TTLL11: variants seen among roughly 807,000 people sequenced by gnomAD.
TTLL11 encodes the protein tubulin polyglutamylase TTLL11.
TTLL11 carries 42 observed loss-of-function variants against 51.7 expected under a neutral mutation model. The observed-to-expected ratio is 0.81, with a 90% confidence interval of 0.64 to 1.05. The LOEUF (loss-of-function observed/expected upper bound fraction) is 1.05. Among genes scored for constraint, TTLL11 ranks in the 50% least tolerant of loss-of-function variants. The pLI is 0.00. For missense variants in TTLL11, 799 were observed against 940.4 expected (o/e 0.85, Z 1.97); for synonymous variants, 381 against 383.5 (o/e 0.99, Z 0.08).
Position 122,091,414 on chromosome 9 carries a change from C to T in TTLL11, c.462+1273G>A, listed in dbSNP as rs1269676808. 2.0e-5 allele frequency among the ~76,000 whole-genome samples: 3 copies of T among 152,194 alleles called. No individual in the cohort carries two copies. In the East Asian group the frequency reaches 5.8e-4, roughly 29 times the overall value. On this transcript the variant is annotated intron_variant, in intron 1 of 8. Coordinates refer to ENST00000321582, the MANE Select transcript of TTLL11 (RefSeq NM_001139442.2). ...CCAAGTTTCCCCAGCATGAAAGTTCCCCTCTGAATCCCAAGCCCCAAGGCT... is the reference window on the plus strand; with the variant it reads ...CCAAGTTTCCCCAGCATGAAAGTTCTCCTCTGAATCCCAAGCCCCAAGGCT...
At chr9:121,842,656 C>A (rs1485302422) in intron 8 of TTLL11, among the ~76,000 whole-genome samples, 1 of 152,160 alleles carries the variant, frequency 6.6e-6, no homozygotes, top group Admixed American at 6.5e-5. Flanking sequence ...AAGGTGGCTC[C>A]TATGGGCCAG....
chr9:121,916,172 T>C (rs1392454899), intron 6 of TTLL11, among the ~76,000 whole-genome samples: 1 of 152,204 alleles, frequency 6.6e-6, no homozygotes, highest in Non-Finnish European at 1.5e-5. Flanking sequence ...AACAATGATG[T>C]CCGGATCTGT....
chr9:121,901,702 G>A (rs1377811280), intron 6 of TTLL11, among the ~76,000 whole-genome samples: 2 of 151,884 alleles, frequency 1.3e-5, no homozygotes, highest in Non-Finnish European at 1.5e-5. Flanking sequence ...AGTGGTCCTG[G>A]TTTTATGTGG....
At chr9:121,986,065 C>T (rs1842932941) in intron 4 of TTLL11, among the ~76,000 whole-genome samples, 1 of 152,156 alleles carries the variant, frequency 6.6e-6, no homozygotes, top group African/African-American at 2.4e-5. Context: ...CCTGGCGTCT[C>T]CCCCCATGCT....
At chr9:121,907,075 C>T (rs1482856380) in intron 6 of TTLL11, among the ~76,000 whole-genome samples, 1 of 152,118 alleles carries the variant, frequency 6.6e-6, no homozygotes, top group Non-Finnish European at 1.5e-5. Flanking sequence ...GCCTCCTGAC[C>T]CCTTTTTCCA....
intron 6 of TTLL11, among the ~76,000 whole-genome samples, chr9:121,871,764 C>T (rs1017757130): frequency 2.6e-5 from 4 of 152,264 alleles, no homozygotes; most frequent in Non-Finnish European, 4.4e-5. Flanking sequence ...CTGCCAGGCA[C>T]ACAGTTCCAG....
chr9:121,981,667 T>C (rs536977802), intron 4 of TTLL11, among the ~76,000 whole-genome samples: 2 of 152,246 alleles, frequency 1.3e-5, no homozygotes, highest in African/African-American at 2.4e-5. Flanking sequence ...GTCTTTCTTT[T>C]AAAGTGCTGG....
chr9:121,901,300 C>T (rs1453160197), intron 6 of TTLL11, among the ~76,000 whole-genome samples: 1 of 152,042 alleles, frequency 6.6e-6, no homozygotes, highest in Non-Finnish European at 1.5e-5. Context: ...AATAGTTTGA[C>T]TTCTTCTTTG....
intron 6 of TTLL11, among the ~76,000 whole-genome samples, chr9:121,908,983 G>T (rs774767628): frequency 6.6e-6 from 1 of 152,198 alleles, no homozygotes; most frequent in African/African-American, 2.4e-5. Flanking sequence ...ACCCATAACA[G>T]TTAGTAAACT....
chr9:122,055,203 GGATA>G lies in TTLL11; in HGVS notation c.463-15839_463-15836del, dbSNP rs1222958113. Among the ~76,000 whole-genome samples, 714 of 144,764 alleles carry G rather than the reference GGATA, an allele frequency of 4.9e-3. 7 individuals carry two copies. The highest frequency in any genetic ancestry group is 6.4e-3 in the African/African-American group (247 of 38,574). 95.0% of individuals were successfully genotyped at this position (144,764 alleles called of 152,430 possible). A position where few individuals can be genotyped will look rare whatever the true frequency, so the allele number is the denominator to read the frequency against. Reference sequence around the variant, plus strand: ...GTTCTCTAGAAAGACAGGACTAATAGGATAGATAGATAGATAGATAGATAGATAG... The same window carrying G: ...GTTCTCTAGAAAGACAGGACTAATAGGATAGATAGATAGATAGATAGATAG... On this transcript the variant is annotated intron_variant, in intron 1 of 8. Coordinates refer to ENST00000321582, the MANE Select transcript of TTLL11 (RefSeq NM_001139442.2).
In TTLL11 at chr9:121,820,058, A is replaced by C. The variant is rs1265300784; in HGVS notation, c.*2529T>G. ...GTGGGGCTATCGGGGCCTTGTCTGC[A>C]GAGGAGGGGGCTGCTCCCGGGACAG... On this transcript the variant is annotated 3_prime_UTR_variant, in exon 9 of 9. Coordinates refer to ENST00000321582, the MANE Select transcript of TTLL11 (RefSeq NM_001139442.2). Among the ~76,000 whole-genome samples the C allele has an allele frequency of 6.6e-6, 1 of 152,334 alleles. No individual in the cohort carries two copies. Among genetic ancestry groups the C allele is most frequent in the East Asian group, 1.9e-4 (1 of 5,178 alleles).
Position 121,820,000 on chromosome 9 carries a change from A to C in TTLL11, c.*2587T>G, listed in dbSNP as rs1054717483. Among the ~76,000 whole-genome samples the C allele has an allele frequency of 1.3e-5, 2 of 152,116 alleles. No individual in the cohort carries two copies. Among genetic ancestry groups the C allele is most frequent in the South Asian group, 2.1e-4 (1 of 4,816 alleles). ...AAAACCACAGCCTCATTTCCCTAAC[A>C]ATCAGCAGGGAGGCTCTGTGCCCTG... On this transcript the variant is annotated 3_prime_UTR_variant, in exon 9 of 9. Transcript: ENST00000321582.
intron 6 of TTLL11, among the ~76,000 whole-genome samples, chr9:121,955,347 C>T (rs1330134560): frequency 6.6e-6 from 1 of 152,122 alleles, no homozygotes; most frequent in Non-Finnish European, 1.5e-5. Context: ...AATAATAAAA[C>T]TCATTTGTTA....
chr9:122,009,675 T>C (rs1011180036), intron 3 of TTLL11, among the ~76,000 whole-genome samples: 3 of 145,200 alleles, frequency 2.1e-5, no homozygotes, highest in African/African-American at 7.7e-5. Flanking sequence ...ATGAATGTTG[T>C]ATATATATAT....
At chr9:121,838,484 C>T (rs144219274) in intron 8 of TTLL11, among the ~76,000 whole-genome samples, 2,264 of 152,208 alleles carry the variant, frequency 0.015, 53 homozygotes, top group African/African-American at 0.052. Flanking sequence ...TTTGGGAGGC[C>T]GAGGTGGGCG....
At position 121,822,416 on chromosome 9, in the gene TTLL11, A is replaced by G. The variant is rs1171583897; in HGVS notation, c.*171T>C. Reference sequence around the variant, plus strand: ...GGTGTGAGGAGGAAGGCAGGTGAGAACCAGCCAGCCTGGTGAAGCACAGCT... The same window carrying G: ...GGTGTGAGGAGGAAGGCAGGTGAGAGCCAGCCAGCCTGGTGAAGCACAGCT... On this transcript the variant is annotated 3_prime_UTR_variant, in exon 9 of 9. Coordinates refer to ENST00000321582, the MANE Select transcript of TTLL11 (RefSeq NM_001139442.2). This position sits in a 1 kb window ranked among gnomAD's most constrained non-coding sequence, Gnocchi z 5.8. The G allele has an allele frequency of 7.2e-6, 4 of 552,322 alleles. No homozygotes were observed. Among genetic ancestry groups the G allele is most frequent in the Non-Finnish European group, 8.9e-6 (3 of 336,766 alleles). The allele number at this position is 552,322 out of a possible 1,614,324, so 34.2% of individuals were successfully genotyped here. A position where few individuals can be genotyped will look rare whatever the true frequency, so the allele number is the denominator to read the frequency against.
intron 6 of TTLL11, among the ~76,000 whole-genome samples, chr9:121,926,517 C>T (rs545963741): frequency 6.6e-5 from 10 of 152,316 alleles, no homozygotes; most frequent in South Asian, 2.1e-4. Flanking sequence ...GGGCTGAGGA[C>T]GGCACAGCCC....
At chr9:121,898,452 G>A (rs1341988924) in intron 6 of TTLL11, among the ~76,000 whole-genome samples, 2 of 152,254 alleles carry the variant, frequency 1.3e-5, no homozygotes, top group Non-Finnish European at 1.5e-5. Context: ...TGGCTGAAGT[G>A]GAACAGGGAG....
chr9:121,928,035 T>C (rs1840809291), intron 6 of TTLL11, among the ~76,000 whole-genome samples: 1 of 152,126 alleles, frequency 6.6e-6, no homozygotes, highest in African/African-American at 2.4e-5. Flanking sequence ...TGCAGCCAGG[T>C]GGTTTCAATG....
Sources: gnomAD v4.1 joint callset for allele counts (sites outside exome capture counted in the v4.1 genomes callset) on GRCh38, gnomAD v4.1.1 for gene constraint, Gnocchi (gnomAD v3.1) non-coding constraint, MANE v1.5 for transcripts, NCBI Gene and HGNC (gene_info 2026-07-23, HGNC 2026-07-21) for gene names.